The following TRPC5 variants were observed in gnomAD, a reference collection of about 807,000 sequenced individuals.
TRPC5 encodes transient receptor potential cation channel subfamily C member 5, also known as short transient receptor potential channel 5.
A neutral mutation model predicts 56.5 loss-of-function variants in TRPC5; 9 were observed. The ratio of observed to expected loss-of-function variants is 0.16; its 90% confidence interval spans 0.10 to 0.28. The LOEUF (loss-of-function observed/expected upper bound fraction) is 0.28, where lower values mean the gene tolerates loss of function less well. Ranked by LOEUF, TRPC5 falls within the 10% of genes least tolerant of loss-of-function variation. The pLI is 1.00. For missense variants in TRPC5, 469 were observed against 748.9 expected, an observed-to-expected ratio of 0.63 and a Z score of 4.36; for synonymous variants, 282 against 278.5, an observed-to-expected ratio of 1.01 and a Z score of -0.13.
In TRPC5 at chrX:111,926,014, C is replaced by T. The variant is rs146113384; in HGVS notation, c.379-13202G>A. Among the ~76,000 whole-genome samples the T allele has an allele frequency of 3.3e-3, 370 of 111,995 alleles. 1 individual carries two copies. Among genetic ancestry groups the T allele is most frequent in the Non-Finnish European group, 5.3e-3 (282 of 53,172 alleles). On this transcript the variant is annotated intron_variant, in intron 2 of 10. Transcript: ENST00000262839. The stretch of plus-strand genomic sequence containing the variant: ...GACAGTAACAGCTCTCCCTTCTACC[C>T]CAGAATTGATAGCCAAAAATATCTC...
intron 1 of TRPC5, among the ~76,000 whole-genome samples, chrX:112,021,261 T>C (rs1166329041): frequency 9.0e-6 from 1 of 111,308 alleles, no homozygotes; most frequent in East Asian, 2.8e-4. Context: ...CCCTCTGGAT[T>C]CACAATATCA....
intron 2 of TRPC5, among the ~76,000 whole-genome samples, chrX:111,922,800 C>G (rs930194867): frequency 2.7e-5 from 3 of 111,404 alleles, no homozygotes; most frequent in Non-Finnish European, 5.7e-5. Flanking sequence ...AACCCACTGG[C>G]CTTTAAAAAT....
chrX:111,794,239 A>C (rs1946043884), intron 7 of TRPC5, among the ~76,000 whole-genome samples: 2 of 111,781 alleles, frequency 1.8e-5, no homozygotes, highest in Non-Finnish European at 3.8e-5. Flanking sequence ...CAAAAGAAAA[A>C]ATCAGTTGGG....
intron 1 of TRPC5, among the ~76,000 whole-genome samples, chrX:112,009,420 C>A (rs911037291): frequency 1.8e-5 from 2 of 111,362 alleles, no homozygotes; most frequent in African/African-American, 6.5e-5. Context: ...CAGCCATAGA[C>A]CTTTCTTAAA....
intron 7 of TRPC5, among the ~76,000 whole-genome samples, chrX:111,810,253 C>T (rs754604940): frequency 1.1e-4 from 12 of 111,052 alleles, no homozygotes; most frequent in Non-Finnish European, 1.5e-4. Context: ...GTTCTTGGGT[C>T]TAGCCCACAC....
intron 5 of TRPC5, among the ~76,000 whole-genome samples, chrX:111,851,556 G>T (rs1036149667): frequency 4.6e-5 from 5 of 108,081 alleles, no homozygotes; most frequent in Non-Finnish European, 9.6e-5. Flanking sequence ...TACATTATCT[G>T]AATTGGTAGA....
intron 7 of TRPC5, among the ~76,000 whole-genome samples, chrX:111,791,019 CAAAAAAAAAAAAAAAA>C (rs753897017): frequency 9.7e-4 from 9 of 9,293 alleles, no homozygotes; most frequent in Non-Finnish European, 1.8e-3. Context: ...GACTCCATCT[CAAAAAAAAAAAAAAAA>C]AAAAAAAAAA....
rs777835442 is a variant in TRPC5 at position 111,857,079 on chromosome X, C to T, written c.901-2973G>A. ...TACATACGAAGTGCTTAGAACTATGCCTGGCACATAGTAAGGGCTCATTAA... is the reference window on the plus strand; with the variant it reads ...TACATACGAAGTGCTTAGAACTATGTCTGGCACATAGTAAGGGCTCATTAA... On this transcript the variant is annotated intron_variant, in intron 3 of 10. Transcript: ENST00000262839. Among the ~76,000 whole-genome samples, 72 of 111,277 alleles carry T rather than the reference C, an allele frequency of 6.5e-4. 2 individuals carry two copies. The highest frequency in any genetic ancestry group is 2.2e-3 in the African/African-American group (66 of 30,596).
Position 111,936,293 on chromosome X carries a change from T to C in TRPC5, c.378+15750A>G, listed in dbSNP as rs749730137. On this transcript the variant is annotated intron_variant, in intron 2 of 10. Coordinates refer to ENST00000262839, the MANE Select transcript of TRPC5 (RefSeq NM_012471.3). The stretch of plus-strand genomic sequence containing the variant: ...CAGAAAGGTTAATGACTTTGGGATG[T>C]TGATTTTATATCCTGCACTTTACTG... Among the ~76,000 whole-genome samples the C allele has an allele frequency of 4.5e-5, 5 of 111,787 alleles. No homozygotes were observed. In the South Asian group the frequency reaches 1.9e-3, roughly 42 times the overall value.
At chrX:111,876,941 C>A (rs1052025250) in intron 3 of TRPC5, among the ~76,000 whole-genome samples, 7 of 111,554 alleles carry the variant, frequency 6.3e-5, no homozygotes, top group South Asian at 3.9e-4. Flanking sequence ...AGTCATCATG[C>A]TCAAATGCCT....
intron 1 of TRPC5, among the ~76,000 whole-genome samples, chrX:112,018,421 T>G (rs1929184778): frequency 8.9e-6 from 1 of 112,862 alleles, no homozygotes; most frequent in African/African-American, 3.2e-5. Flanking sequence ...TTACTATATT[T>G]CATGTCTTTA....
In TRPC5 at chrX:111,786,439, C is replaced by T. The variant is rs183014302; in HGVS notation, c.1897-4301G>A. On this transcript the variant is annotated intron_variant, in intron 7 of 10. Transcript: ENST00000262839. ...AGCACTAAACATGGATAGAAACAAC[C>T]GGTACTAGCCACTGCAAAAATATGC... 1.2e-4 allele frequency among the ~76,000 whole-genome samples: 13 copies of T among 111,517 alleles called. No homozygotes were observed. The East Asian group carries it at 1.7e-3, about 14-fold the overall frequency.
At chrX:111,978,510 T>TA (rs1927989249) in intron 1 of TRPC5, among the ~76,000 whole-genome samples, 1 of 111,307 alleles carries the variant, frequency 9.0e-6, no homozygotes, top group African/African-American at 3.3e-5. Flanking sequence ...AGCATACACG[T>TA]ACCGTATGAG....
intron 1 of TRPC5, among the ~76,000 whole-genome samples, chrX:112,081,291 G>T (rs1021277805): frequency 2.1e-4 from 24 of 111,977 alleles, no homozygotes; most frequent in African/African-American, 7.5e-4. Context: ...TTGAAGCAGA[G>T]ATCTGACTGA....
At chrX:111,875,953 A>G (rs1197429486) in intron 3 of TRPC5, 8 of 109,328 alleles carry the variant, frequency 7.3e-5, no homozygotes, top group African/African-American at 2.7e-4. Flanking sequence ...ACCTAAAATG[A>G]AAGGATAATG....
chrX:112,002,115 T>C (rs1428171880), intron 1 of TRPC5, among the ~76,000 whole-genome samples: 2 of 111,729 alleles, frequency 1.8e-5, no homozygotes, highest in Non-Finnish European at 3.8e-5. Flanking sequence ...CATTTTTTTC[T>C]TCAAACAGTA....
chrX:111,884,667 T>C (rs17269851), intron 3 of TRPC5, among the ~76,000 whole-genome samples: 1,336 of 112,831 alleles, frequency 0.012, 32 homozygotes, highest in Admixed American at 0.062. Context: ...TGAGACTAGT[T>C]AAGAGCTAGT....
chrX:112,076,053 C>T (rs56849888), intron 1 of TRPC5, among the ~76,000 whole-genome samples: 5,448 of 111,813 alleles, frequency 0.049, 312 homozygotes, highest in African/African-American at 0.17. Context: ...TTTGTTATGG[C>T]AGCAATAGAA....
intron 3 of TRPC5, among the ~76,000 whole-genome samples, chrX:111,905,487 C>A (rs1009136799): frequency 8.9e-6 from 1 of 112,145 alleles, no homozygotes; most frequent in African/African-American, 3.2e-5. Flanking sequence ...AATATCACAT[C>A]TCTTCAGGGT....
Sources: gnomAD v4.1 joint callset for allele counts (sites outside exome capture counted in the v4.1 genomes callset) on GRCh38, gnomAD v4.1.1 for gene constraint, MANE v1.5 for transcripts, NCBI Gene and HGNC (gene_info 2026-07-23, HGNC 2026-07-21) for gene names.